The following ATF2 variants were observed in gnomAD, a reference collection of about 807,000 sequenced individuals.
ATF2 encodes cyclic AMP-dependent transcription factor ATF-2.
In ATF2, 24 loss-of-function variants were observed where a neutral mutation model predicts 60.6. That is an observed-to-expected ratio of 0.40 (90% confidence interval 0.29 to 0.56). The LOEUF (loss-of-function observed/expected upper bound fraction) is 0.56. ATF2 is among the 20% of genes least tolerant of loss of function. ATF2 has a pLI of 0.54. For synonymous variants in ATF2, 206 were observed against 215.4 expected (o/e 0.96, Z 0.38); for missense variants, 433 against 607.7 (o/e 0.71, Z 3.02).
rs1559062591 is a variant in ATF2 at position 175,097,463 on chromosome 2, G to T, written c.959C>A (p.Thr320Lys). The T allele has an allele frequency of 6.2e-7, 1 of 1,614,030 alleles. No homozygotes were observed. Reference sequence around the variant, plus strand: ...ACATACCGGAGTTTCTGTAGTGGATGTGGCTGGCTGTTGTAATGACTGCGG... The same window carrying T: ...ACATACCGGAGTTTCTGTAGTGGATTTGGCTGGCTGTTGTAATGACTGCGG... ...SRPQSLQQPA[T>K]STTETPASPA... Residue 320 changes from threonine to lysine, a missense_variant, in exon 11 of 14, where the codon ACA becomes AAA. Transcript: ENST00000264110.
At chr2:175,076,440 T>C (rs1693300426) in intron 13 of ATF2, among the ~76,000 whole-genome samples, 1 of 152,096 alleles carries the variant, frequency 6.6e-6, no homozygotes, top group Admixed American at 6.6e-5. Context: ...AGATGGTACA[T>C]ATGCAGGTAT....
chr2:175,093,443 CTTATG>C (rs1418831046), intron 11 of ATF2, among the ~76,000 whole-genome samples, 176 bp from the exon 12 acceptor site: 10 of 152,088 alleles, frequency 6.6e-5, no homozygotes, highest in Admixed American at 6.5e-5. Flanking sequence ...CTTGAATATA[CTTATG>C]TTATGAGCTA....
intron 2 of ATF2, among the ~76,000 whole-genome samples, chr2:175,146,403 T>G (rs1698952288): frequency 6.6e-6 from 1 of 152,226 alleles, no homozygotes; most frequent in Admixed American, 6.5e-5. Flanking sequence ...TAGCAATATA[T>G]CAATGTTAAC....
At chr2:175,080,480 C>A in intron 13 of ATF2, 180 bp downstream of exon 13, 1 of 417,502 alleles carries the variant, frequency 2.4e-6, no homozygotes. Context: ...AAAACTCAAA[C>A]TCTCTAGATT....
At chr2:175,163,536 A>C (rs1205204653) in intron 1 of ATF2, among the ~76,000 whole-genome samples, 1 of 152,204 alleles carries the variant, frequency 6.6e-6, no homozygotes, top group Non-Finnish European at 1.5e-5. Flanking sequence ...ATCTTTGTTA[A>C]GATACAGAAT....
chr2:175,104,537 T>C (rs970576067), intron 10 of ATF2, among the ~76,000 whole-genome samples: 2 of 152,144 alleles, frequency 1.3e-5, no homozygotes, highest in South Asian at 2.1e-4. Flanking sequence ...ATCTAGGGAA[T>C]GTGAGCTGGG....
chr2:175,105,184 C>T (rs1172833926), intron 10 of ATF2, among the ~76,000 whole-genome samples: 1 of 151,984 alleles, frequency 6.6e-6, no homozygotes, highest in East Asian at 1.9e-4. Flanking sequence ...ATGTAAATTG[C>T]CTTGAGAACT....
At chr2:175,152,387 A>G (rs552061700) in intron 1 of ATF2, among the ~76,000 whole-genome samples, 1 of 152,294 alleles carries the variant, frequency 6.6e-6, no homozygotes, top group South Asian at 2.1e-4. Context: ...AAACTCACAT[A>G]CTCAGTCTAC....
intron 5 of ATF2, among the ~76,000 whole-genome samples, chr2:175,120,543 T>C (rs1256100605): frequency 6.6e-6 from 1 of 151,684 alleles, no homozygotes; most frequent in Non-Finnish European, 1.5e-5. Context: ...ATTTGGTCTC[T>C]ATACTGATTA....
chr2:175,115,013 A>G, intron 7 of ATF2, 145 bp from the exon 8 acceptor site: 1 of 654,350 alleles, frequency 1.5e-6, no homozygotes, highest in Middle Eastern at 3.7e-4. Flanking sequence ...TTAAAAGAAC[A>G]TTTTAGAAGA....
At chr2:175,158,882 G>T (rs1332669219) in intron 1 of ATF2, among the ~76,000 whole-genome samples, 1 of 151,980 alleles carries the variant, frequency 6.6e-6, no homozygotes, top group Non-Finnish European at 1.5e-5. Context: ...CACTAAAATA[G>T]TATTTATTAA....
At position 175,073,782 on chromosome 2, in the gene ATF2, C is replaced by A. The variant is rs192742819; in HGVS notation, c.*827G>T. 16 of 151,944 alleles carry A rather than the reference C, an allele frequency of 1.1e-4. No homozygotes were observed. Among genetic ancestry groups the A allele is most frequent in the Non-Finnish European group, 1.5e-4 (10 of 67,934 alleles). The allele number at this position is 151,944 out of a possible 1,614,324, so 9.4% of individuals were successfully genotyped here. A position where few individuals can be genotyped will look rare whatever the true frequency, so the allele number is the denominator to read the frequency against. On this transcript the variant is annotated 3_prime_UTR_variant, in exon 14 of 14. Coordinates refer to ENST00000264110, the MANE Select transcript of ATF2 (RefSeq NM_001880.4). ...ATCTGTAAAAACAACAACAAAAAAA[C>A]CAAAAACAAGAGCTAATTTCAAAAA...
intron 2 of ATF2, among the ~76,000 whole-genome samples, chr2:175,150,462 T>A (rs1699235704): frequency 2.6e-5 from 4 of 151,626 alleles, no homozygotes; most frequent in African/African-American, 4.8e-5. Context: ...GAAAAAAAAA[T>A]TTTTTTTTAC....
In ATF2 at chr2:175,097,495, T is replaced by C; in HGVS notation, c.927A>G (p.Glu309=). 4 of 1,614,148 alleles carry C rather than the reference T, an allele frequency of 2.5e-6. No individual in the cohort carries two copies. The highest frequency in any genetic ancestry group is 3.4e-6 in the Non-Finnish European group (4 of 1,179,996). ...GSGLVRTQSE[E]SRPQSLQQPA... Reference sequence around the variant, plus strand: ...GCTGTTGTAATGACTGCGGTCGAGATTCCTCTGACTGAGTCCTAACCAATC... The same window carrying C: ...GCTGTTGTAATGACTGCGGTCGAGACTCCTCTGACTGAGTCCTAACCAATC... The change falls in exon 11 of 14, where the codon GAA becomes GAG. Residue 309 remains glutamate (E), a synonymous_variant. Coordinates refer to ENST00000264110, the MANE Select transcript of ATF2 (RefSeq NM_001880.4).
intron 2 of ATF2, among the ~76,000 whole-genome samples, chr2:175,146,603 T>C (rs1293489768): frequency 6.7e-6 from 1 of 150,126 alleles, no homozygotes; most frequent in Non-Finnish European, 1.5e-5. Flanking sequence ...ATGGTTTCAG[T>C]TACCCACAGT....
chr2:175,089,170 A>T (rs1694371554), intron 12 of ATF2, among the ~76,000 whole-genome samples: 1 of 147,384 alleles, frequency 6.8e-6, no homozygotes, highest in Admixed American at 6.8e-5. Flanking sequence ...ATAAGAGCAA[A>T]ACTCTGTCTC....
intron 10 of ATF2, among the ~76,000 whole-genome samples, chr2:175,103,427 C>T (rs1342350039): frequency 1.3e-5 from 2 of 152,206 alleles, no homozygotes; most frequent in African/African-American, 4.8e-5. Flanking sequence ...ATATGAAAAT[C>T]AAGTAGGTTG....
intron 10 of ATF2, among the ~76,000 whole-genome samples, chr2:175,108,059 G>C (rs1187324648): frequency 2.0e-5 from 3 of 151,092 alleles, no homozygotes; most frequent in African/African-American, 7.3e-5. Flanking sequence ...CCCTCTGCCC[G>C]GCTGCCCAGT....
chr2:175,108,395 CGCCCCGTCCGGG>C (rs1695884143), intron 10 of ATF2, among the ~76,000 whole-genome samples: 1 of 150,704 alleles, frequency 6.6e-6, no homozygotes, highest in African/African-American at 2.4e-5. Context: ...CCCGGCCAGC[CGCCCCGTCCGGG>C]AGGGAGGTGG....
Sources: allele counts gnomAD v4.1 joint callset (sites outside exome capture counted in the v4.1 genomes callset), GRCh38; gene constraint gnomAD v4.1.1; transcripts MANE v1.5; gene names NCBI Gene and HGNC (gene_info 2026-07-23, HGNC 2026-07-21).